Variants in KRAS observed in about 807,000 individuals in gnomAD.
The protein encoded by KRAS is GTPase KRas.
In KRAS, 1 loss-of-function variant was observed where a neutral mutation model predicts 21.0. The ratio of observed to expected loss-of-function variants is 0.05; its 90% CI spans 0.02 to 0.23. KRAS has a LOEUF of 0.23. Ranked by LOEUF, KRAS falls within the 10% of genes least tolerant of loss-of-function variation. The pLI is 1.00. For synonymous variants in KRAS, 67 were observed against 72.5 expected, an observed-to-expected ratio of 0.92 and a Z score of 0.39; for missense variants, 107 against 221.8, an observed-to-expected ratio of 0.48 and a Z score of 3.29.
At chr12:25,228,048 G>C (rs1665780679) in intron 2 of KRAS, among the ~76,000 whole-genome samples, 2 of 152,092 alleles carry the variant, frequency 1.3e-5, no homozygotes, top group African/African-American at 2.4e-5. Flanking sequence ...TATAGGTTGA[G>C]CATTAATGCA....
intron 4 of KRAS, among the ~76,000 whole-genome samples, chr12:25,212,516 G>A (rs12820019): frequency 0.38 from 57,947 of 151,868 alleles, 12,976 homozygotes; most frequent in East Asian, 0.79. Context: ...CTTGAGGCCA[G>A]GAGTTTGAGA....
intron 4 of KRAS, chr12:25,225,384 CAT>C (rs569767658): frequency 6.9e-4 from 227 of 328,878 alleles, no homozygotes; most frequent in African/African-American, 4.7e-3. Context: ...TAAATGTTAA[CAT>C]GTGCTCAGAA....
intron 2 of KRAS, among the ~76,000 whole-genome samples, chr12:25,228,801 T>A (rs2141513085): frequency 6.6e-6 from 1 of 152,282 alleles, no homozygotes; most frequent in East Asian, 1.9e-4. Flanking sequence ...TGGCTCACAC[T>A]TGCAATCCCA....
At chr12:25,247,644 G>A (rs1951701977) in intron 1 of KRAS, among the ~76,000 whole-genome samples, 1 of 152,132 alleles carries the variant, frequency 6.6e-6, no homozygotes, top group South Asian at 2.1e-4. Context: ...GAACCCCTCA[G>A]GTTACTAAGA....
chr12:25,227,180 TAA>T, intron 3 of KRAS, 52 bp downstream of exon 3: 1 of 1,388,700 alleles, frequency 7.2e-7, no homozygotes, highest in African/African-American at 1.4e-5. Flanking sequence ...ACTCAAAAAA[TAA>T]AAACTATAAT....
chr12:25,230,672 G>A (rs770962884), intron 2 of KRAS, among the ~76,000 whole-genome samples: 45 of 152,112 alleles, frequency 3.0e-4, no homozygotes, highest in Non-Finnish European at 5.7e-4. Flanking sequence ...CTTTGTACTA[G>A]ATGCTATGTT....
At chr12:25,224,488 G>T (rs774755481) in intron 4 of KRAS, among the ~76,000 whole-genome samples, 1 of 151,976 alleles carries the variant, frequency 6.6e-6, no homozygotes, top group South Asian at 2.1e-4. Context: ...AAGATATAAG[G>T]AAAGAAAAAT....
rs143090832 is a variant in KRAS, at chr12:25,227,522, C to T, written c.112-110G>A. 1,411 of 917,172 alleles carry T rather than the reference C, an allele frequency of 1.5e-3. 9 individuals carry two copies. The highest frequency in any genetic ancestry group is 9.9e-3 in the South Asian group (682 of 68,716). 56.8% of individuals were successfully genotyped at this position (917,172 alleles called of 1,614,324 possible). A position where few individuals can be genotyped will look rare whatever the true frequency, so the allele number is the denominator to read the frequency against. On this transcript the variant is annotated intron_variant, in intron 2 of 4. Transcript: ENST00000311936. ...ATTCAATTTAAAAATGGGCAAAGGA[C>T]TTGAAAAGACATTGTTCCTGCTCCA...
Position 25,246,452 on chromosome 12 carries a change from G to C in KRAS, c.-11-1057C>G, listed in dbSNP as rs61759629. ...GCTCTCCTGTAGTCCTAGCTACTGGGGAGGCTGAGGAAGGAGAATCACTTG... is the reference window on the plus strand; with the variant it reads ...GCTCTCCTGTAGTCCTAGCTACTGGCGAGGCTGAGGAAGGAGAATCACTTG... On this transcript the variant is annotated intron_variant, in intron 1 of 4. Coordinates refer to ENST00000311936, the MANE Select transcript of KRAS (RefSeq NM_004985.5). 7.0e-3 allele frequency among the ~76,000 whole-genome samples: 1,064 copies of C among 151,958 alleles called. 7 individuals are homozygous for C. Among genetic ancestry groups the C allele is most frequent in the African/African-American group, 0.024 (990 of 41,438 alleles).
At chr12:25,213,882 T>C (rs1018734772) in intron 4 of KRAS, among the ~76,000 whole-genome samples, 1 of 152,178 alleles carries the variant, frequency 6.6e-6, no homozygotes, top group African/African-American at 2.4e-5. Flanking sequence ...AAAATGAGAA[T>C]TCCACGCAAT....
At chr12:25,219,719 A>G (rs1307162601) in intron 4 of KRAS, among the ~76,000 whole-genome samples, 1 of 152,214 alleles carries the variant, frequency 6.6e-6, no homozygotes, top group Non-Finnish European at 1.5e-5. Flanking sequence ...TGTACTATTG[A>G]AATGCAGAAA....
Position 25,208,741 on chromosome 12 carries a change from C to G in KRAS, c.*1054G>C, listed in dbSNP as rs1951170925. ...TGACAACACTGGATGACCGTGGGGA[C>G]ACAGTCCATGCTGTGAAACTCTCTA... On this transcript the variant is annotated 3_prime_UTR_variant, in exon 5 of 5. Coordinates refer to ENST00000311936, the MANE Select transcript of KRAS (RefSeq NM_004985.5). 4.3e-6 allele frequency: 1 copy of G among 232,856 alleles called. No homozygotes were observed. The highest frequency in any genetic ancestry group is 1.8e-4 in the South Asian group (1 of 5,532). 14.4% of individuals were successfully genotyped at this position (232,856 alleles called of 1,614,324 possible). A position where few individuals can be genotyped will look rare whatever the true frequency, so the allele number is the denominator to read the frequency against.
At chr12:25,241,862 T>A (rs906771027) in intron 2 of KRAS, among the ~76,000 whole-genome samples, 1 of 152,288 alleles carries the variant, frequency 6.6e-6, no homozygotes, top group East Asian at 1.9e-4. Context: ...CCATCCCTCA[T>A]TGATTACTAA....
intron 2 of KRAS, among the ~76,000 whole-genome samples, chr12:25,231,058 A>G (rs892573242): frequency 6.6e-6 from 1 of 151,492 alleles, no homozygotes. Flanking sequence ...AGCTGACCAA[A>G]GACTCTTCCT....
chr12:25,212,544 G>C (rs1440483311), intron 4 of KRAS, among the ~76,000 whole-genome samples: 1 of 151,930 alleles, frequency 6.6e-6, no homozygotes, highest in East Asian at 1.9e-4. Context: ...GGGCAACACA[G>C]CAAGAACCTG....
chr12:25,240,274 T>C (rs994922529), intron 2 of KRAS, among the ~76,000 whole-genome samples: 5 of 152,270 alleles, frequency 3.3e-5, no homozygotes, highest in African/African-American at 1.2e-4. Flanking sequence ...GTATAAAGCC[T>C]CTAAATTAAG....
At chr12:25,223,093 A>C (rs948163832) in intron 4 of KRAS, among the ~76,000 whole-genome samples, 1 of 152,224 alleles carries the variant, frequency 6.6e-6, no homozygotes, top group African/African-American at 2.4e-5. Flanking sequence ...AGAAAATATA[A>C]GAAGCACTTC....
chr12:25,235,134 A>G (rs2135793868), intron 2 of KRAS: 6 of 457,620 alleles, frequency 1.3e-5, no homozygotes, highest in East Asian at 9.6e-5. Flanking sequence ...GAAAATGTCA[A>G]TAATGTATTA....
rs1205922280 is a variant in KRAS at position 25,209,489 on chromosome 12, T to C, written c.*306A>G. The C allele has an allele frequency of 3.1e-6, 4 of 1,286,988 alleles. No homozygotes were observed. Among genetic ancestry groups the C allele is most frequent in the Admixed American group, 3.7e-5 (1 of 26,934 alleles). 79.7% of individuals were successfully genotyped at this position (1,286,988 alleles called of 1,614,324 possible). ...ATTTGTTTCACACCAACATTCACAATTGGTAAGAAAAATAAGAAGTAATCA... is the reference window on the plus strand; with the variant it reads ...ATTTGTTTCACACCAACATTCACAACTGGTAAGAAAAATAAGAAGTAATCA... On this transcript the variant is annotated 3_prime_UTR_variant, in exon 5 of 5. Coordinates refer to ENST00000311936, the MANE Select transcript of KRAS (RefSeq NM_004985.5).
Sources: gnomAD v4.1 joint callset for allele counts (sites outside exome capture counted in the v4.1 genomes callset) on GRCh38, gnomAD v4.1.1 for gene constraint, MANE v1.5 for transcripts, NCBI Gene and HGNC (gene_info 2026-07-23, HGNC 2026-07-21) for gene names.